Variants in ASH1L observed in about 807,000 individuals in gnomAD.
The protein encoded by ASH1L is histone-lysine N-methyltransferase ASH1L.
A neutral mutation model predicts 269.0 loss-of-function variants in ASH1L; 23 were observed. That is an observed-to-expected ratio of 0.09 (90% CI 0.06 to 0.12). The LOEUF (loss-of-function observed/expected upper bound fraction) is 0.12. Among genes scored for constraint, ASH1L ranks in the 10% least tolerant of loss-of-function variants. The pLI, the probability that ASH1L is intolerant of heterozygous loss-of-function variation, is 1.00. For missense variants in ASH1L, 2,912 were observed against 3,567.8 expected, an observed-to-expected ratio of 0.82 and a Z score of 4.68; for synonymous variants, 1,187 against 1,253.5, an observed-to-expected ratio of 0.95 and a Z score of 1.12.
At chr1:155,410,190 G>A (rs1659654314) in intron 6 of ASH1L, among the ~76,000 whole-genome samples, 1 of 152,074 alleles carries the variant, frequency 6.6e-6, no homozygotes, top group Non-Finnish European at 1.5e-5. Flanking sequence ...GTAATGTCAT[G>A]AACACAACTC....
At position 155,509,060 on chromosome 1, in the gene ASH1L, GA is replaced by G. The variant is rs751156222; in HGVS notation, c.420+12039del. On this transcript the variant is annotated intron_variant, in intron 2 of 27. Coordinates refer to ENST00000392403, the MANE Select transcript of ASH1L (RefSeq NM_018489.3). Reference sequence around the variant, plus strand: ...AAACTTTATAATCAGCCACATTCTAGAAAAAAAAAATTATTTTCACTGAAAT... The same window carrying G: ...AAACTTTATAATCAGCCACATTCTAGAAAAAAAAATTATTTTCACTGAAAT... 9.6e-3 allele frequency among the ~76,000 whole-genome samples: 1,428 copies of G among 149,502 alleles called. 10 individuals carry two copies. Among genetic ancestry groups the G allele is most frequent in the African/African-American group, 0.025 (1,033 of 40,824 alleles).
chr1:155,338,276 C>T lies in ASH1L; in HGVS notation c.8616G>A (p.Glu2872=). The T allele has an allele frequency of 6.2e-7, 1 of 1,613,986 alleles. No homozygotes were observed. The highest frequency in any genetic ancestry group is 1.1e-5 in the South Asian group (1 of 91,074). Residue 2872 remains glutamate, a synonymous_variant, in exon 27 of 28, where the codon GAG becomes GAA. Transcript: ENST00000392403. ...GTTCTGGCTCCTCCAGGCTGGGTAT[C>T]TCATTGGCTGCTTGCTCTTGACTGG... ...VLASQEQAAN[E]IPSLEEPERE...
chr1:155,465,133 C>T (rs2148685862), intron 3 of ASH1L, among the ~76,000 whole-genome samples: 1 of 151,904 alleles, frequency 6.6e-6, no homozygotes, highest in East Asian at 1.9e-4. Flanking sequence ...GCAAAGATAG[C>T]AGAATAGATA....
rs370797940 is a variant in ASH1L at position 155,416,937 on chromosome 1, T to C, written c.5829-1014A>G. 4.7e-5 allele frequency among the ~76,000 whole-genome samples: 7 copies of C among 150,250 alleles called. No homozygotes were observed. The South Asian group carries it at 1.5e-3, about 32-fold the overall frequency. On this transcript the variant is annotated intron_variant, in intron 5 of 27. Transcript: ENST00000392403. Reference sequence around the variant, plus strand: ...TTTCTTTTCTTTCCTTTTCTTTTTTTTTTTTCTTTTTTGAGACGGAGACTT... The same window carrying C: ...TTTCTTTTCTTTCCTTTTCTTTTTTCTTTTTCTTTTTTGAGACGGAGACTT...
chr1:155,382,112 CAGG>C (rs1657021299), intron 7 of ASH1L, among the ~76,000 whole-genome samples: 1 of 151,696 alleles, frequency 6.6e-6, no homozygotes, highest in Non-Finnish European at 1.5e-5. Flanking sequence ...GAGGCTGAGG[CAGG>C]AGAATTGTTT....
intron 10 of ASH1L, among the ~76,000 whole-genome samples, chr1:155,375,910 T>C (rs1020756962): frequency 6.6e-6 from 1 of 152,026 alleles, no homozygotes; most frequent in African/African-American, 2.4e-5. Flanking sequence ...CTCGGCTAAG[T>C]ATCGAGATCC....
intron 5 of ASH1L, among the ~76,000 whole-genome samples, chr1:155,417,024 T>A (rs1391642891): frequency 1.3e-5 from 2 of 149,614 alleles, no homozygotes; most frequent in Admixed American, 1.3e-4. Flanking sequence ...CTCCGCCTCC[T>A]GGGTTCAAGA....
At chr1:155,373,768 G>C (rs1656188223) in intron 10 of ASH1L, among the ~76,000 whole-genome samples, 1 of 152,038 alleles carries the variant, frequency 6.6e-6, no homozygotes, top group Non-Finnish European at 1.5e-5. Flanking sequence ...CCTGGGCTCA[G>C]GTGATTTTCT....
At chr1:155,388,323 A>C (rs1657612308) in intron 7 of ASH1L, among the ~76,000 whole-genome samples, 1 of 151,938 alleles carries the variant, frequency 6.6e-6, no homozygotes, top group Non-Finnish European at 1.5e-5. Flanking sequence ...ACAGGATCTC[A>C]CTCTGTCTTT....
rs1239095418 is a variant in ASH1L at position 155,480,770 on chromosome 1, T to C, written c.2100A>G (p.Leu700=). ...SDKHCQVAES[L]STSLQSKPLK... is the part of the protein sequence containing the mutation. ...ATGGTTTGGACTGCAAACTAGTACT[T>C]AGGCTTTCAGCAACTTGGCAGTGTT... The change falls in exon 3 of 28, where the codon CTA becomes CTG. Residue 700 remains leucine (L), a synonymous_variant. Coordinates refer to ENST00000392403, the MANE Select transcript of ASH1L (RefSeq NM_018489.3). 5 of 1,613,864 alleles carry C rather than the reference T, an allele frequency of 3.1e-6. No individual in the cohort carries two copies. The highest frequency in any genetic ancestry group is 2.7e-5 in the African/African-American group (2 of 74,934).
intron 6 of ASH1L, among the ~76,000 whole-genome samples, chr1:155,412,171 G>A (rs541127559): frequency 1.3e-5 from 2 of 151,994 alleles, no homozygotes; most frequent in East Asian, 1.9e-4. Flanking sequence ...GAACCCAGGA[G>A]GTGGAGGTTG....
chr1:155,465,298 A>C (rs1664593055), intron 3 of ASH1L, among the ~76,000 whole-genome samples: 1 of 151,382 alleles, frequency 6.6e-6, no homozygotes, highest in African/African-American at 2.4e-5. Context: ...GCAAAAAAAA[A>C]AAAAAAAAAA....
intron 4 of ASH1L, among the ~76,000 whole-genome samples, chr1:155,444,196 GGT>G (rs1662821737): frequency 6.6e-6 from 1 of 151,978 alleles, no homozygotes; most frequent in African/African-American, 2.4e-5. Context: ...TGGCCAGGCT[GGT>G]CTCGAATTCC....
intron 2 of ASH1L, among the ~76,000 whole-genome samples, chr1:155,511,971 C>T (rs190585426): frequency 0.013 from 1,913 of 151,858 alleles, 17 homozygotes; most frequent in Non-Finnish European, 0.022. Flanking sequence ...CCACCACGCC[C>T]GGCTAATTTT....
chr1:155,563,058 C>T, upstream of ASH1L: 2 of 458,908 alleles, frequency 4.4e-6, no homozygotes, highest in South Asian at 3.1e-5. Flanking sequence ...CGGACCGAGC[C>T]CCACGACAAC....
intron 4 of ASH1L, among the ~76,000 whole-genome samples, chr1:155,442,356 G>A (rs1488528989): frequency 1.3e-5 from 2 of 151,818 alleles, no homozygotes; most frequent in African/African-American, 2.4e-5. Context: ...GGGAGGCTGA[G>A]GTGGGCGGAT....
chr1:155,464,678 T>C (rs1664546769), intron 3 of ASH1L, among the ~76,000 whole-genome samples: 1 of 152,190 alleles, frequency 6.6e-6, no homozygotes, highest in Non-Finnish European at 1.5e-5. Flanking sequence ...TAAATTGGAA[T>C]AATACAGAGA....
At chr1:155,397,160 A>C (rs1414681988) in intron 6 of ASH1L, among the ~76,000 whole-genome samples, 1 of 151,626 alleles carries the variant, frequency 6.6e-6, no homozygotes, top group African/African-American at 2.4e-5. Context: ...GCATGGTAAC[A>C]AAAGGCAATG....
intron 4 of ASH1L, among the ~76,000 whole-genome samples, chr1:155,441,120 TAA>T (rs1352645232): frequency 6.6e-6 from 1 of 152,222 alleles, no homozygotes; most frequent in Non-Finnish European, 1.5e-5. Flanking sequence ...AGCAATAGTG[TAA>T]TTCCTTGTGG....
Sources: allele counts gnomAD v4.1 joint callset (sites outside exome capture counted in the v4.1 genomes callset), GRCh38; gene constraint gnomAD v4.1.1; transcripts MANE v1.5; gene names NCBI Gene and HGNC (gene_info 2026-07-23, HGNC 2026-07-21).